The following MTUS1 variants were observed in gnomAD, a reference collection of about 807,000 sequenced individuals.
The protein encoded by MTUS1 is microtubule associated scaffold protein 1.
MTUS1 carries 109 observed loss-of-function variants against 120.8 expected under a neutral mutation model. The observed-to-expected ratio is 0.90, with a 90% CI of 0.77 to 1.06. The LOEUF (loss-of-function observed/expected upper bound fraction) is 1.06, where lower values mean the gene tolerates loss of function less well. Among genes scored for constraint, MTUS1 ranks in the 50% least tolerant of loss-of-function variants. The probability of loss-of-function intolerance (pLI) is 0.00; values close to 1 mark genes in which losing one functional copy is unlikely to be tolerated. For missense variants in MTUS1, 2,210 were observed against 1,486.3 expected, an observed-to-expected ratio of 1.49 and a Z score of -8.01; for synonymous variants, 737 against 550.5, an observed-to-expected ratio of 1.34 and a Z score of -4.74.
chr8:17,723,364 C>A, intron 4 of MTUS1: 1 of 382,574 alleles, frequency 2.6e-6, no homozygotes, highest in Non-Finnish European at 4.9e-6. Context: ...CTGAAATAAT[C>A]TTTTTTTCTG....
chr8:17,789,313 C>G (rs950481972), intron 1 of MTUS1, among the ~76,000 whole-genome samples: 34 of 152,144 alleles, frequency 2.2e-4, no homozygotes, highest in African/African-American at 6.8e-4. Context: ...TTACAGGTGT[C>G]AGCCACTGCC....
At chr8:17,665,546 A>C (rs1187904228) in intron 8 of MTUS1, among the ~76,000 whole-genome samples, 1 of 152,018 alleles carries the variant, frequency 6.6e-6, no homozygotes, top group Non-Finnish European at 1.5e-5. Context: ...TTTTGAGTAG[A>C]TATGGGGTTT....
At chr8:17,740,322 T>G (rs747190335) in intron 3 of MTUS1, among the ~76,000 whole-genome samples, 11 of 152,264 alleles carry the variant, frequency 7.2e-5, no homozygotes, top group Non-Finnish European at 1.3e-4. Flanking sequence ...ATACTGGGTC[T>G]GGTTTTCTAC....
At chr8:17,723,438 A>G in intron 4 of MTUS1, 1 of 563,282 alleles carries the variant, frequency 1.8e-6, no homozygotes, top group Non-Finnish European at 3.2e-6. Context: ...CCATCACTTC[A>G]GACGATGCAC....
chr8:17,689,638 G>A (rs1440382340), intron 6 of MTUS1, among the ~76,000 whole-genome samples: 2 of 152,078 alleles, frequency 1.3e-5, no homozygotes, highest in East Asian at 1.9e-4. Flanking sequence ...AGAAGGCATT[G>A]CCTCTCTCCT....
chr8:17,728,492 C>T (rs1358725661), intron 3 of MTUS1, among the ~76,000 whole-genome samples: 1 of 152,174 alleles, frequency 6.6e-6, no homozygotes, highest in African/African-American at 2.4e-5. Context: ...CCTAGTAAGG[C>T]AAGTGCAAGT....
rs200555209 is a variant in MTUS1 at position 17,754,642 on chromosome 8, T to C, written c.1166A>G (p.Gln389Arg). ...TAGAATCAATTCTGAGGTATGATTT[T>C]GGGTTCCCAAATCCTTTCCTTTGGA... ...MVSKGKDLGT[Q>R]NHTSELILSS... is the part of the protein sequence containing the mutation. Residue 389 changes from glutamine to arginine, a missense_variant, in exon 2 of 15, where the codon CAA (glutamine) becomes CGA (arginine). Transcript: ENST00000693296. The C allele has an allele frequency of 4.5e-4, 728 of 1,614,112 alleles. 2 individuals carry two copies. The highest frequency in any genetic ancestry group is 4.9e-4 in the Middle Eastern group (3 of 6,084).
At chr8:17,714,317 A>AAC (rs1048087660) in intron 5 of MTUS1, among the ~76,000 whole-genome samples, 5 of 152,142 alleles carry the variant, frequency 3.3e-5, no homozygotes, top group Admixed American at 2.0e-4. Flanking sequence ...TTATCCTTTA[A>AAC]ACACACACAC....
chr8:17,793,330 CTG>C (rs1396539484), intron 1 of MTUS1, among the ~76,000 whole-genome samples: 1 of 152,108 alleles, frequency 6.6e-6, no homozygotes, highest in Non-Finnish European at 1.5e-5. Context: ...GGACACAAGA[CTG>C]AGGGTAAACT....
intron 1 of MTUS1, among the ~76,000 whole-genome samples, chr8:17,765,678 C>CCACA (rs60406848): frequency 0.075 from 9,777 of 129,944 alleles, 402 homozygotes; most frequent in South Asian, 0.14. Context: ...AATACAGACA[C>CCACA]CACACACACA....
At chr8:17,663,001 A>G (rs370471376) in intron 8 of MTUS1, among the ~76,000 whole-genome samples, 2 of 152,210 alleles carry the variant, frequency 1.3e-5, no homozygotes, top group East Asian at 3.9e-4. Flanking sequence ...TGAATCACCC[A>G]AGAAGAATTC....
chr8:17,692,280 G>A (rs963060723), intron 6 of MTUS1: 6 of 151,988 alleles, frequency 3.9e-5, no homozygotes, highest in African/African-American at 9.7e-5. Flanking sequence ...ACTAAGACCC[G>A]GCCAATGAGA....
intron 6 of MTUS1, among the ~76,000 whole-genome samples, chr8:17,696,691 T>G (rs1257298456): frequency 6.6e-6 from 1 of 152,146 alleles, no homozygotes; most frequent in Non-Finnish European, 1.5e-5. Context: ...AGGGGAAGTA[T>G]TTTGAGACTG....
At chr8:17,760,244 T>G (rs1307819520) in intron 1 of MTUS1, among the ~76,000 whole-genome samples, 3 of 151,914 alleles carry the variant, frequency 2.0e-5, no homozygotes, top group African/African-American at 7.3e-5. Context: ...ATAAAACAAA[T>G]TTCAAATTGG....
intron 6 of MTUS1, among the ~76,000 whole-genome samples, chr8:17,700,187 C>T (rs1308748513): frequency 2.6e-5 from 4 of 151,930 alleles, no homozygotes; most frequent in South Asian, 2.1e-4. Flanking sequence ...ATGGGCCGGG[C>T]GCGGTGGTGA....
Position 17,775,417 on chromosome 8 carries a change from A to G in MTUS1, c.-154-19456T>C, listed in dbSNP as rs139079824. The stretch of plus-strand genomic sequence containing the variant: ...TGAAACTTCAGGCTGCATCATGAGT[A>G]TCTGAGACCTCAAATGCTAAATCCT... On this transcript the variant is annotated intron_variant, in intron 1 of 14. Coordinates refer to ENST00000693296, the MANE Select transcript of MTUS1 (RefSeq NM_001363059.2). Among the ~76,000 whole-genome samples, 146 of 152,244 alleles carry G rather than the reference A, an allele frequency of 9.6e-4. 1 individual carries two copies. The highest frequency in any genetic ancestry group is 1.5e-3 in the Admixed American group (23 of 15,292).
chr8:17,670,997 T>C lies in MTUS1; in HGVS notation c.2905+4189A>G, dbSNP rs1811904776. 3.3e-5 allele frequency among the ~76,000 whole-genome samples: 5 copies of C among 152,270 alleles called. No homozygotes were observed. The South Asian group carries it at 1.0e-3, about 32-fold the overall frequency. On this transcript the variant is annotated intron_variant, in intron 8 of 14. Transcript: ENST00000693296. ...TGTTTGCTTCTAGGGGGAGGGGTGTTCCACTGTGAAATGGCATGAGGGAAT... is the reference window on the plus strand; with the variant it reads ...TGTTTGCTTCTAGGGGGAGGGGTGTCCCACTGTGAAATGGCATGAGGGAAT...
intron 3 of MTUS1, among the ~76,000 whole-genome samples, chr8:17,732,507 C>T (rs146297767): frequency 4.6e-5 from 7 of 152,336 alleles, no homozygotes; most frequent in African/African-American, 1.7e-4. Flanking sequence ...TCTACACTTA[C>T]TGCCGTGGGG....
upstream of MTUS1, chr8:17,801,241 A>G (rs1163629806): frequency 6.7e-6 from 1 of 149,496 alleles, no homozygotes; most frequent in Non-Finnish European, 1.5e-5. Context: ...CGGGACCCGG[A>G]GCCCCGGCCT....
Sources: allele counts gnomAD v4.1 joint callset (sites outside exome capture counted in the v4.1 genomes callset), GRCh38; gene constraint gnomAD v4.1.1; transcripts MANE v1.5; gene names NCBI Gene and HGNC (gene_info 2026-07-23, HGNC 2026-07-21).